Variants in PDE6G observed in about 807,000 individuals in gnomAD.
PDE6G encodes the protein phosphodiesterase 6G.
Under a neutral mutation model 10.9 loss-of-function variants are expected in PDE6G, and 10 were observed. The ratio of observed to expected loss-of-function variants is 0.91; its 90% CI spans 0.56 to 1.55. PDE6G has a LOEUF of 1.55. PDE6G is among the 40% of genes most tolerant of loss of function. PDE6G has a pLI of 0.00. For missense variants in PDE6G, 102 were observed against 110.1 expected (o/e 0.93, Z 0.33); for synonymous variants, 41 against 42.8 (o/e 0.96, Z 0.16).
chr17:81,657,921 A>G (rs181867883), upstream of PDE6G, among the ~76,000 whole-genome samples: 127 of 151,256 alleles, frequency 8.4e-4, 2 homozygotes, highest in East Asian at 0.022. Flanking sequence ...ATAAAAACCC[A>G]TAACTCGGCC....
chr17:81,653,036 A>T lies in PDE6G; in HGVS notation c.146+124T>A. 1 of 1,134,820 alleles carries T rather than the reference A, an allele frequency of 8.8e-7. No homozygotes were observed. The highest frequency in any genetic ancestry group is 1.3e-6 in the Non-Finnish European group (1 of 754,604). 70.3% of individuals were successfully genotyped at this position (1,134,820 alleles called of 1,614,324 possible). Reference sequence around the variant, plus strand: ...CCTCAGGCACCGCCCTACCTTCCCCAGCTGTGAGGCTGGGACCACTCACCC... The same window carrying T: ...CCTCAGGCACCGCCCTACCTTCCCCTGCTGTGAGGCTGGGACCACTCACCC... On this transcript the variant is annotated intron_variant, in intron 2 of 3. Coordinates refer to ENST00000331056, the MANE Select transcript of PDE6G (RefSeq NM_002602.4). The surrounding 1 kb of genome is among the most constrained non-coding windows in gnomAD (Gnocchi z 5.2).
intron 1 of PDE6G, among the ~76,000 whole-genome samples, chr17:81,654,312 TCATCA>T (rs1383716858): frequency 6.6e-6 from 1 of 151,846 alleles, no homozygotes; most frequent in Non-Finnish European, 1.5e-5. Flanking sequence ...TTGCCGCTTC[TCATCA>T]CGCGTCGAGT....
upstream of PDE6G, among the ~76,000 whole-genome samples, chr17:81,659,077 A>G (rs2036484594): frequency 6.6e-6 from 1 of 151,986 alleles, no homozygotes; most frequent in Admixed American, 6.6e-5. Context: ...TAAATGGAAC[A>G]AGTCAAAAAC....
At chr17:81,659,593 C>A (rs1191832905), upstream of PDE6G, among the ~76,000 whole-genome samples, 1 of 151,980 alleles carries the variant, frequency 6.6e-6, no homozygotes, top group South Asian at 2.1e-4. Context: ...AGGAAGACTT[C>A]ATCTCAAAAA....
intron 1 of PDE6G, among the ~76,000 whole-genome samples, chr17:81,662,182 G>A (rs1044463844): frequency 2.0e-5 from 3 of 152,062 alleles, no homozygotes; most frequent in Admixed American, 6.6e-5. Context: ...ATGTGTCCAC[G>A]TTGGGCACAT....
upstream of PDE6G, among the ~76,000 whole-genome samples, chr17:81,657,885 GAATA>G (rs1014787399): frequency 2.3e-4 from 28 of 122,656 alleles, no homozygotes; most frequent in East Asian, 2.8e-3. Context: ...TGTTTCAAAT[GAATA>G]AATAAATAAA....
chr17:81,654,472 C>G (rs183877596), intron 1 of PDE6G, among the ~76,000 whole-genome samples: 20 of 151,112 alleles, frequency 1.3e-4, no homozygotes, highest in Admixed American at 1.2e-3. Context: ...TTCTGCCTCC[C>G]GGGTTCAAGT....
At position 81,651,641 on chromosome 17, in the gene PDE6G, A is replaced by G; in HGVS notation, c.187+4T>C. The G allele has an allele frequency of 6.2e-7, 1 of 1,613,914 alleles. No homozygotes were observed. Among genetic ancestry groups the G allele is most frequent in the Non-Finnish European group, 8.5e-7 (1 of 1,179,896 alleles). Reference sequence around the variant, plus strand: ...CCTCGGGTTGGTACTGGCAGCCGTCATACCTGTTCCCAGGCCTTCCATTCC... The same window carrying G: ...CCTCGGGTTGGTACTGGCAGCCGTCGTACCTGTTCCCAGGCCTTCCATTCC... On this transcript the variant is annotated splice_donor_region_variant and intron_variant, in intron 3 of 3. Coordinates refer to ENST00000331056, the MANE Select transcript of PDE6G (RefSeq NM_002602.4). This position sits in a 1 kb window ranked among gnomAD's most constrained non-coding sequence, Gnocchi z 4.8.
upstream of PDE6G, chr17:81,656,720 G>A: frequency 2.9e-6 from 2 of 686,808 alleles, no homozygotes; most frequent in Admixed American, 2.0e-5. Flanking sequence ...CCCAGCAGAT[G>A]GGGCCGGGAC....
In PDE6G at chr17:81,653,502, C is replaced by T. The variant is rs2036401020; in HGVS notation, c.-59-138G>A. On this transcript the variant is annotated intron_variant, in intron 1 of 3. Coordinates refer to ENST00000331056, the MANE Select transcript of PDE6G (RefSeq NM_002602.4). The surrounding 1 kb of genome is among the most constrained non-coding windows in gnomAD (Gnocchi z 5.2). ...TCCAGACAGCAGCCCCTGCAATCCG[C>T]CCTGGGGTAACCAGCCTGCCAGCTT... 3 of 630,434 alleles carry T rather than the reference C, an allele frequency of 4.8e-6. No individual in the cohort carries two copies. Among genetic ancestry groups the T allele is most frequent in the Non-Finnish European group, 8.3e-6 (3 of 362,368 alleles). 39.1% of individuals were successfully genotyped at this position (630,434 alleles called of 1,614,324 possible).
chr17:81,654,439 G>A (rs1476396256), intron 1 of PDE6G, among the ~76,000 whole-genome samples: 1 of 149,302 alleles, frequency 6.7e-6, no homozygotes, highest in South Asian at 2.1e-4. Context: ...GAGTGCAGTG[G>A]CGAGATCTTG....
upstream of PDE6G, among the ~76,000 whole-genome samples, chr17:81,660,990 C>G (rs532520995): frequency 1.6e-4 from 25 of 152,330 alleles, no homozygotes; most frequent in Non-Finnish European, 3.4e-4. Context: ...GCAATCATGA[C>G]TTACTTCCGT....
rs986679616 is a variant in PDE6G at position 81,653,057 on chromosome 17, C to T, written c.146+103G>A. ...CCCCAGCTGTGAGGCTGGGACCACTCACCCAGTGAAGTGGCCCCAGGCTCT... is the reference window on the plus strand; with the variant it reads ...CCCCAGCTGTGAGGCTGGGACCACTTACCCAGTGAAGTGGCCCCAGGCTCT... On this transcript the variant is annotated intron_variant, in intron 2 of 3. Transcript: ENST00000331056. The surrounding 1 kb of genome is among the most constrained non-coding windows in gnomAD (Gnocchi z 5.2). 3 of 1,327,934 alleles carry T rather than the reference C, an allele frequency of 2.3e-6. No homozygotes were observed. Among genetic ancestry groups the T allele is most frequent in the Non-Finnish European group, 3.3e-6 (3 of 921,326 alleles). 82.3% of individuals were successfully genotyped at this position (1,327,934 alleles called of 1,614,324 possible). A position where few individuals can be genotyped will look rare whatever the true frequency, so the allele number is the denominator to read the frequency against.
Position 81,651,771 on chromosome 17 carries a change from A to G in PDE6G, c.147-86T>C. The stretch of plus-strand genomic sequence containing the variant: ...GCCCGAGGTCATCTCTAGCCTTCCT[A>G]GGAGATGAGGTGTTTGGCTGGGAGC... On this transcript the variant is annotated intron_variant, in intron 2 of 3. Coordinates refer to ENST00000331056, the MANE Select transcript of PDE6G (RefSeq NM_002602.4). The surrounding 1 kb of genome is among the most constrained non-coding windows in gnomAD (Gnocchi z 4.8). The G allele has an allele frequency of 7.1e-7, 1 of 1,406,850 alleles. No individual in the cohort carries two copies. The highest frequency in any genetic ancestry group is 9.9e-7 in the Non-Finnish European group (1 of 1,007,482). 87.1% of individuals were successfully genotyped at this position (1,406,850 alleles called of 1,614,324 possible).
Position 81,651,217 on chromosome 17 carries a change from G to C in PDE6G, c.188-67C>G. 8.2e-7 allele frequency: 1 copy of C among 1,221,430 alleles called. No homozygotes were observed. The highest frequency in any genetic ancestry group is 1.2e-5 in the South Asian group (1 of 81,968). The allele number at this position is 1,221,430 out of a possible 1,614,324, so 75.7% of individuals were successfully genotyped here. A position where few individuals can be genotyped will look rare whatever the true frequency, so the allele number is the denominator to read the frequency against. On this transcript the variant is annotated intron_variant, in intron 3 of 3. Coordinates refer to ENST00000331056, the MANE Select transcript of PDE6G (RefSeq NM_002602.4). This position sits in a 1 kb window ranked among gnomAD's most constrained non-coding sequence, Gnocchi z 4.8. ...CCTAGGGACCCCCCCATCCCCTGTG[G>C]CCCTGTTTCCCACAGCCCAGGTGTA...
chr17:81,657,608 T>C (rs1038414882), upstream of PDE6G, among the ~76,000 whole-genome samples: 1 of 152,112 alleles, frequency 6.6e-6, no homozygotes, highest in South Asian at 2.1e-4. Context: ...AGGCCTGGTG[T>C]GGTGGCTCAT....
At chr17:81,656,881 A>C (rs1598722275), upstream of PDE6G, 4 of 474,618 alleles carry the variant, frequency 8.4e-6, no homozygotes, top group Non-Finnish European at 1.6e-5. Flanking sequence ...GGTCCCCAAA[A>C]CCCTCTGCAG....
Position 81,650,504 on chromosome 17 carries a change from A to G in PDE6G, c.*570T>C, listed in dbSNP as rs3432. On this transcript the variant is annotated 3_prime_UTR_variant, in exon 4 of 4. Transcript: ENST00000331056. ...ATTTTGAAATAGGGACTGCAAGGGC[A>G]GGCTGTATTGAGAAGGATGGCCCCC... 0.49 allele frequency: 223,244 copies of G among 453,170 alleles called. 60,926 individuals carry two copies. Among genetic ancestry groups the G allele is most frequent in the East Asian group, 1 (14,307 of 14,366 alleles). The allele number at this position is 453,170 out of a possible 1,614,324, so 28.1% of individuals were successfully genotyped here.
At chr17:81,656,800 A>G, upstream of PDE6G, 1 of 611,544 alleles carries the variant, frequency 1.6e-6, no homozygotes, top group East Asian at 2.8e-5. Context: ...AAGCAACCAC[A>G]GTGTCTGCTG....
Sources: allele counts gnomAD v4.1 joint callset (sites outside exome capture counted in the v4.1 genomes callset), GRCh38; gene constraint gnomAD v4.1.1; non-coding constraint Gnocchi (gnomAD v3.1); transcripts MANE v1.5; gene names NCBI Gene and HGNC (gene_info 2026-07-23, HGNC 2026-07-21).